The following ADCY1 variants were observed in gnomAD, a reference collection of about 807,000 sequenced individuals.
ADCY1 encodes adenylate cyclase 1.
Under a neutral mutation model 105.4 loss-of-function variants are expected in ADCY1, and 28 were observed. The observed-to-expected ratio is 0.27, with a 90% CI of 0.20 to 0.36. The LOEUF (loss-of-function observed/expected upper bound fraction) is 0.36, where lower values mean the gene tolerates loss of function less well. Ranked by LOEUF, ADCY1 falls within the 10% of genes least tolerant of loss-of-function variation. The pLI is 1.00. For missense variants in ADCY1, 977 were observed against 1,434.2 expected, an observed-to-expected ratio of 0.68 and a Z score of 5.15; for synonymous variants, 655 against 623.8, an observed-to-expected ratio of 1.05 and a Z score of -0.75.
chr7:45,640,566 G>C (rs908619628), intron 4 of ADCY1, among the ~76,000 whole-genome samples: 2 of 152,172 alleles, frequency 1.3e-5, no homozygotes, highest in East Asian at 3.9e-4. Context: ...GCTCTGGCTT[G>C]TGGGTGTGAC....
chr7:45,630,371 G>A (rs758641601), intron 4 of ADCY1, among the ~76,000 whole-genome samples: 4 of 152,192 alleles, frequency 2.6e-5, no homozygotes, highest in Non-Finnish European at 4.4e-5. Context: ...CAAGGCTACT[G>A]TGGTGAAGTA....
chr7:45,658,536 C>T (rs1027273973), intron 6 of ADCY1, among the ~76,000 whole-genome samples: 16 of 152,220 alleles, frequency 1.1e-4, no homozygotes, highest in African/African-American at 3.9e-4. Flanking sequence ...GGCTGCCCCT[C>T]AGCAGGCAAC....
intron 5 of ADCY1, among the ~76,000 whole-genome samples, chr7:45,652,280 C>G (rs920972675): frequency 3.3e-5 from 5 of 152,190 alleles, no homozygotes; most frequent in African/African-American, 4.8e-5. Flanking sequence ...GGACGTAGAG[C>G]CAAATCATAT....
At chr7:45,694,150 A>G (rs1784837684) in intron 14 of ADCY1, among the ~76,000 whole-genome samples, 1 of 151,244 alleles carries the variant, frequency 6.6e-6, no homozygotes, top group African/African-American at 2.4e-5. Flanking sequence ...CTGTCAACCA[A>G]CTTGACTTAA....
intron 7 of ADCY1, 70 bp from the exon 8 acceptor site, chr7:45,661,989 A>G: frequency 1.9e-6 from 3 of 1,548,686 alleles, no homozygotes; most frequent in Admixed American, 1.8e-5. Flanking sequence ...TCAGGATGGC[A>G]TTCCCAGTCC....
At chr7:45,671,725 G>C (rs949385836) in intron 8 of ADCY1, among the ~76,000 whole-genome samples, 2 of 152,044 alleles carry the variant, frequency 1.3e-5, no homozygotes, top group African/African-American at 2.4e-5. Flanking sequence ...ATGTTCTCTT[G>C]CCCTTTGGTG....
chr7:45,646,032 A>T (rs1044625491), intron 4 of ADCY1, among the ~76,000 whole-genome samples: 2 of 151,814 alleles, frequency 1.3e-5, no homozygotes, highest in African/African-American at 4.8e-5. Flanking sequence ...AAGCCTGAGT[A>T]TGAGGTGTGG....
At chr7:45,682,272 C>T (rs1271872694) in intron 11 of ADCY1, among the ~76,000 whole-genome samples, 1 of 152,164 alleles carries the variant, frequency 6.6e-6, no homozygotes, top group East Asian at 1.9e-4. Context: ...TAATCCTGTC[C>T]ATCTTGACCA....
Position 45,716,774 on chromosome 7 carries a change from G to C in ADCY1, c.*2779G>C, listed in dbSNP as rs1348311166. 1 of 152,420 alleles carries C rather than the reference G, an allele frequency of 6.6e-6. No individual in the cohort carries two copies. Among genetic ancestry groups the C allele is most frequent in the East Asian group, 1.9e-4 (1 of 5,202 alleles). 9.4% of individuals were successfully genotyped at this position (152,420 alleles called of 1,614,324 possible). A position where few individuals can be genotyped will look rare whatever the true frequency, so the allele number is the denominator to read the frequency against. The stretch of plus-strand genomic sequence containing the variant: ...ATTAGGGTTAGGGATCTAAGGATGG[G>C]AGGGGAACTTGGTTTATCTGGGTGG... On this transcript the variant is annotated 3_prime_UTR_variant, in exon 20 of 20. Transcript: ENST00000297323.
At chr7:45,668,148 A>G (rs1784298587) in intron 8 of ADCY1, among the ~76,000 whole-genome samples, 1 of 152,222 alleles carries the variant, frequency 6.6e-6, no homozygotes, top group Admixed American at 6.5e-5. Context: ...TGCCCTGGCC[A>G]GAACTTCCAA....
intron 2 of ADCY1, among the ~76,000 whole-genome samples, chr7:45,605,310 A>G (rs1017614346): frequency 2.6e-5 from 4 of 151,990 alleles, no homozygotes; most frequent in Admixed American, 2.6e-4. Context: ...TCCAATCTGT[A>G]TGCCTTTTCT....
At chr7:45,590,867 G>A (rs1792895852) in intron 1 of ADCY1, among the ~76,000 whole-genome samples, 1 of 152,180 alleles carries the variant, frequency 6.6e-6, no homozygotes, top group Non-Finnish European at 1.5e-5. Flanking sequence ...TCCTGCCTGT[G>A]CCTTTGCCAG....
chr7:45,667,066 C>T (rs1784276026), intron 8 of ADCY1, among the ~76,000 whole-genome samples: 1 of 152,120 alleles, frequency 6.6e-6, no homozygotes, highest in African/African-American at 2.4e-5. Context: ...AATTTTCTCC[C>T]ATTCTGTAGG....
intron 3 of ADCY1, among the ~76,000 whole-genome samples, chr7:45,621,982 A>G (rs1042066472): frequency 6.6e-6 from 1 of 152,226 alleles, no homozygotes; most frequent in African/African-American, 2.4e-5. Context: ...TCCAGAAAAC[A>G]TGAAAGTTCT....
rs1272108937 is a variant in ADCY1 at position 45,696,155 on chromosome 7, TC to T, written c.2455-7220del. On this transcript the variant is annotated intron_variant, in intron 14 of 19. Transcript: ENST00000297323. Reference sequence around the variant, plus strand: ...TGTGTGCAATGAAAAATCCAGATTTTCGGCCGGGCGCCGTGGCTCATGCCTG... The same window carrying T: ...TGTGTGCAATGAAAAATCCAGATTTTGGCCGGGCGCCGTGGCTCATGCCTG... Among the ~76,000 whole-genome samples, 1,215 of 151,982 alleles carry T rather than the reference TC, an allele frequency of 8.0e-3. 7 individuals are homozygous for T. Among genetic ancestry groups the T allele is most frequent in the Admixed American group, 0.014 (209 of 15,264 alleles).
Position 45,722,180 on chromosome 7 carries a change from C to T in ADCY1, c.*8185C>T. The stretch of plus-strand genomic sequence containing the variant: ...ATCCTGAGGGAGCCCATCACCGCCT[C>T]TTGCATACAACTGTCCACTAGGAGG... On this transcript the variant is annotated 3_prime_UTR_variant, in exon 20 of 20. Transcript: ENST00000297323. 4.1e-6 allele frequency: 1 copy of T among 242,638 alleles called. No individual in the cohort carries two copies. Among genetic ancestry groups the T allele is most frequent in the Non-Finnish European group, 7.9e-6 (1 of 126,972 alleles). 15.0% of individuals were successfully genotyped at this position (242,638 alleles called of 1,614,324 possible). A position where few individuals can be genotyped will look rare whatever the true frequency, so the allele number is the denominator to read the frequency against.
chr7:45,629,752 C>T (rs1794182415), intron 4 of ADCY1, among the ~76,000 whole-genome samples: 2 of 152,146 alleles, frequency 1.3e-5, no homozygotes, highest in Admixed American at 1.3e-4. Flanking sequence ...ATCTCCTGAC[C>T]TCATGATCCA....
intron 11 of ADCY1, among the ~76,000 whole-genome samples, chr7:45,682,043 G>T (rs1386317736): frequency 2.0e-5 from 3 of 152,178 alleles, no homozygotes; most frequent in African/African-American, 7.2e-5. Context: ...AGTTGTCTGG[G>T]CCTCAGGGTT....
At chr7:45,631,193 G>A (rs902702886) in intron 4 of ADCY1, among the ~76,000 whole-genome samples, 1 of 152,110 alleles carries the variant, frequency 6.6e-6, no homozygotes. Context: ...GAAAATCATT[G>A]AGACCCTCTA....
Sources: allele counts gnomAD v4.1 joint callset (sites outside exome capture counted in the v4.1 genomes callset), GRCh38; gene constraint gnomAD v4.1.1; transcripts MANE v1.5; gene names NCBI Gene and HGNC (gene_info 2026-07-23, HGNC 2026-07-21).